DPY19L2: variants seen among roughly 807,000 people sequenced by gnomAD.
The protein encoded by DPY19L2 is probable C-mannosyltransferase DPY19L2.
A neutral mutation model predicts 97.9 loss-of-function variants in DPY19L2; 34 were observed. The observed-to-expected ratio is 0.35, with a 90% confidence interval of 0.26 to 0.46. The LOEUF (loss-of-function observed/expected upper bound fraction) is 0.46, where lower values mean the gene tolerates loss of function less well. DPY19L2 is among the 20% of genes least tolerant of loss of function. The probability of loss-of-function intolerance (pLI) is 1.00; values close to 1 mark genes in which losing one functional copy is unlikely to be tolerated. For synonymous variants in DPY19L2, 230 were observed against 307.9 expected (o/e 0.75, Z 2.65); for missense variants, 623 against 911.4 (o/e 0.68, Z 4.07).
chr12:63,633,864 C>G (rs560268834), intron 6 of DPY19L2, among the ~76,000 whole-genome samples: 14 of 152,194 alleles, frequency 9.2e-5, no homozygotes, highest in African/African-American at 3.4e-4. Flanking sequence ...ACATATACAC[C>G]ATGGAATACT....
chr12:63,643,974 AC>A (rs1227617387), intron 6 of DPY19L2, among the ~76,000 whole-genome samples: 1 of 152,148 alleles, frequency 6.6e-6, no homozygotes, highest in Non-Finnish European at 1.5e-5. Flanking sequence ...TCATCGTGGT[AC>A]TCTTATCAAG....
chr12:63,565,581 T>C (rs895883219), intron 21 of DPY19L2, among the ~76,000 whole-genome samples: 9 of 152,192 alleles, frequency 5.9e-5, no homozygotes, highest in Non-Finnish European at 1.3e-4. Context: ...ATTTCCTTTT[T>C]CCATGTGAGT....
chr12:63,663,812 A>C lies in DPY19L2; in HGVS notation c.396T>G (p.Arg132=), dbSNP rs761529406. ...CCAAAGATGAGAGGTGAGAGAAATG[A>C]CGATCATTTTCAAAAAGTGTTACTA... ...LHLVTLFEND[R]HFSHLSSLER... is the part of the protein sequence containing the mutation. The change falls in exon 3 of 22, where the codon CGT becomes CGG. Residue 132 remains arginine, a synonymous_variant. Coordinates refer to ENST00000324472, the MANE Select transcript of DPY19L2 (RefSeq NM_173812.5). The C allele has an allele frequency of 1.9e-6, 3 of 1,606,950 alleles. No homozygotes were observed. The Admixed American group carries it at 5.1e-5, about 27-fold the overall frequency.
At chr12:63,639,947 A>G (rs1174160567) in intron 6 of DPY19L2, among the ~76,000 whole-genome samples, 2 of 152,180 alleles carry the variant, frequency 1.3e-5, no homozygotes, top group African/African-American at 2.4e-5. Context: ...ACTTGGAACC[A>G]ACCCAAATGT....
intron 15 of DPY19L2, among the ~76,000 whole-genome samples, chr12:63,594,464 A>AGAGTGT (rs1555189197): frequency 1.7e-4 from 21 of 125,018 alleles, no homozygotes; most frequent in African/African-American, 5.7e-4. Flanking sequence ...AGAGAGAGAT[A>AGAGTGT]GTGTGTGTGT....
At chr12:63,658,546 CTTTTGA>C (rs1895265596) in intron 4 of DPY19L2, among the ~76,000 whole-genome samples, 1 of 152,110 alleles carries the variant, frequency 6.6e-6, no homozygotes, top group Admixed American at 6.5e-5. Flanking sequence ...TGTCAACTGT[CTTTTGA>C]TTTTATTTCT....
chr12:63,597,703 TA>T, intron 14 of DPY19L2, 105 bp downstream of exon 14: 1 of 977,040 alleles, frequency 1.0e-6, no homozygotes, highest in Non-Finnish European at 1.5e-6. Flanking sequence ...GTAAAAAATA[TA>T]AAATAAGTTG....
rs181914015 is a variant in DPY19L2 at position 63,568,330 on chromosome 12, C to T, written c.2126+894G>A. Reference sequence around the variant, plus strand: ...TTATACTTTTCAGCTCTAGAATTTCCGTGGGGGCTGGAGTGTTTCTATTTC... The same window carrying T: ...TTATACTTTTCAGCTCTAGAATTTCTGTGGGGGCTGGAGTGTTTCTATTTC... On this transcript the variant is annotated intron_variant, in intron 21 of 21. Coordinates refer to ENST00000324472, the MANE Select transcript of DPY19L2 (RefSeq NM_173812.5). Among the ~76,000 whole-genome samples, 87 of 151,956 alleles carry T rather than the reference C, an allele frequency of 5.7e-4. 1 individual carries two copies. Among genetic ancestry groups the T allele is most frequent in the African/African-American group, 2.0e-3 (83 of 41,480 alleles).
chr12:63,624,934 G>C (rs1239048905), intron 7 of DPY19L2, among the ~76,000 whole-genome samples: 1 of 152,130 alleles, frequency 6.6e-6, no homozygotes. Context: ...TATACCAACA[G>C]TTGTCTGGAA....
chr12:63,651,544 G>T, intron 4 of DPY19L2: 1 of 183,662 alleles, frequency 5.4e-6, no homozygotes, highest in South Asian at 1.0e-4. Flanking sequence ...GGAACAAATC[G>T]AAAGTAAAAA....
chr12:63,597,770 A>C, intron 14 of DPY19L2, 39 bp downstream of exon 14: 1 of 1,558,516 alleles, frequency 6.4e-7, no homozygotes, highest in South Asian at 1.2e-5. Context: ...AGAGCAAAAA[A>C]CTCATATTAG....
At chr12:63,655,744 C>CGGG (rs74902711) in intron 4 of DPY19L2, among the ~76,000 whole-genome samples, 65 of 144,602 alleles carry the variant, frequency 4.5e-4, no homozygotes, top group South Asian at 2.9e-3. Context: ...AAGGAAGGGT[C>CGGG]GGGGGGTGGG....
chr12:63,607,303 A>C (rs1278711866), intron 12 of DPY19L2, among the ~76,000 whole-genome samples: 10 of 151,982 alleles, frequency 6.6e-5, no homozygotes, highest in Non-Finnish European at 1.2e-4. Flanking sequence ...CCTCCTTTTG[A>C]GTTATTAAAT....
chr12:63,633,572 T>C (rs558435836), intron 6 of DPY19L2, among the ~76,000 whole-genome samples: 98 of 152,192 alleles, frequency 6.4e-4, no homozygotes, highest in African/African-American at 2.2e-3. Context: ...CAACAGGTGC[T>C]GGAGAGGATG....
At chr12:63,634,495 C>T (rs1236161664) in intron 6 of DPY19L2, among the ~76,000 whole-genome samples, 3 of 152,126 alleles carry the variant, frequency 2.0e-5, no homozygotes, top group Admixed American at 6.5e-5. Flanking sequence ...TCACCTCACC[C>T]GGGAAGCACA....
chr12:63,562,766 TTG>T (rs1876834125), intron 21 of DPY19L2, among the ~76,000 whole-genome samples: 1 of 151,870 alleles, frequency 6.6e-6, no homozygotes, highest in Non-Finnish European at 1.5e-5. Flanking sequence ...AAGCATCTTT[TTG>T]TGTGATTATT....
intron 6 of DPY19L2, among the ~76,000 whole-genome samples, chr12:63,628,015 G>A (rs1264327579): frequency 6.6e-6 from 1 of 152,210 alleles, no homozygotes. Context: ...TGTGTGAGTA[G>A]CAAGGACCAA....
chr12:63,630,571 T>C (rs924261310), intron 6 of DPY19L2, among the ~76,000 whole-genome samples: 1 of 151,902 alleles, frequency 6.6e-6, no homozygotes, highest in African/African-American at 2.4e-5. Context: ...ATAAAGCAAG[T>C]CCTGAGTGAC....
intron 3 of DPY19L2, among the ~76,000 whole-genome samples, chr12:63,663,288 T>C (rs1414312029): frequency 1.3e-5 from 2 of 151,552 alleles, no homozygotes; most frequent in East Asian, 2.0e-4. Context: ...CAAAACTCCA[T>C]TTTAAAGATT....
Sources: allele counts gnomAD v4.1 joint callset (sites outside exome capture counted in the v4.1 genomes callset), GRCh38; gene constraint gnomAD v4.1.1; transcripts MANE v1.5; gene names NCBI Gene and HGNC (gene_info 2026-07-23, HGNC 2026-07-21).